CUTC: variants seen among roughly 807,000 people sequenced by gnomAD.
The protein encoded by CUTC is cutC copper transporter, also known as copper homeostasis protein cutC homolog.
In CUTC, 27 loss-of-function variants were observed where a neutral mutation model predicts 36.2. That is an observed-to-expected ratio of 0.75 (90% CI 0.55 to 1.03). CUTC has a LOEUF of 1.03. CUTC is among the 50% of genes least tolerant of loss of function. The probability of loss-of-function intolerance (pLI) is 0.00; values close to 1 mark genes in which losing one functional copy is unlikely to be tolerated. For synonymous variants in CUTC, 114 were observed against 118.3 expected, an observed-to-expected ratio of 0.96 and a Z score of 0.24; for missense variants, 315 against 343.5, an observed-to-expected ratio of 0.92 and a Z score of 0.66.
chr10:99,744,703 G>A (rs2037365626), intron 5 of CUTC, among the ~76,000 whole-genome samples: 1 of 152,152 alleles, frequency 6.6e-6, no homozygotes, highest in Non-Finnish European at 1.5e-5. Flanking sequence ...TTTTTAATGT[G>A]ATACTTTCTT....
At chr10:99,734,220 C>A (rs936697683) in intron 1 of CUTC, among the ~76,000 whole-genome samples, 3 of 152,050 alleles carry the variant, frequency 2.0e-5, no homozygotes, top group Non-Finnish European at 4.4e-5. Flanking sequence ...CAGGCGCCCG[C>A]CACCACGCCC....
rs768955316 is a variant in CUTC at position 99,743,270 on chromosome 10, G to T, written c.311G>T (p.Arg104Leu). Residue 104 changes from arginine (R) to leucine (L), a missense_variant, in exon 4 of 9, where the codon CGT (arginine) becomes CTT (leucine). Arg to Leu is a moderately radical substitution (Grantham distance 102). Transcript: ENST00000370476. ...ATTGAGGTGATGAAGGCTGACATTC[G>T]TCTTGCCAAGCTTTATGGTGCTGAT... ...REIEVMKADIRLAKLYGADGL... is the reference protein window; with the variant it reads ...REIEVMKADILLAKLYGADGL... The T allele has an allele frequency of 1.2e-6, 2 of 1,614,130 alleles. No individual in the cohort carries two copies. The highest frequency in any genetic ancestry group is 1.7e-6 in the Non-Finnish European group (2 of 1,180,030).
chr10:99,743,250 G>A lies in CUTC; in HGVS notation c.291G>A (p.Glu97=), dbSNP rs1265839931. 1.9e-6 allele frequency: 3 copies of A among 1,614,162 alleles called. No individual in the cohort carries two copies. The highest frequency in any genetic ancestry group is 3.3e-5 in the Admixed American group (2 of 60,020). The change falls in exon 4 of 9, where the codon GAG becomes GAA. Residue 97 remains glutamate (E), a synonymous_variant. Transcript: ENST00000370476. Reference sequence around the variant, plus strand: ...TTTTGTATTCAGATCGTGAAATTGAGGTGATGAAGGCTGACATTCGTCTTG... The same window carrying A: ...TTTTGTATTCAGATCGTGAAATTGAAGTGATGAAGGCTGACATTCGTCTTG... ...GDFLYSDREI[E]VMKADIRLAK...
At chr10:99,755,576 G>A in intron 8 of CUTC, 49 bp from the exon 9 acceptor site, 1 of 1,211,500 alleles carries the variant, frequency 8.3e-7, no homozygotes, top group East Asian at 2.3e-5. Context: ...GCAGTAGGAG[G>A]GCCCATTTAA....
At chr10:99,743,802 A>T (rs940102938) in intron 4 of CUTC, among the ~76,000 whole-genome samples, 3 of 152,226 alleles carry the variant, frequency 2.0e-5, no homozygotes, top group African/African-American at 4.8e-5. Flanking sequence ...TAGTTGTCAG[A>T]TTAAATGGTT....
Position 99,748,132 on chromosome 10 carries a change from G to A in CUTC, c.573+742G>A, listed in dbSNP as rs2037392607. 1.3e-5 allele frequency among the ~76,000 whole-genome samples: 2 copies of A among 152,234 alleles called. 1 individual carries two copies. Among genetic ancestry groups the A allele is most frequent in the South Asian group, 4.2e-4 (2 of 4,814 alleles). ...AGAGAGTTGAGCGTTTGAGACTCGG[G>A]TTTGATACTTGCTATGTGATGTTGA... On this transcript the variant is annotated intron_variant, in intron 6 of 8. Transcript: ENST00000370476.
chr10:99,734,347 G>T (rs570094071), intron 1 of CUTC, among the ~76,000 whole-genome samples: 34 of 152,256 alleles, frequency 2.2e-4, no homozygotes, highest in African/African-American at 8.2e-4. Context: ...GATTACAGGC[G>T]TGAGCCACCG....
intron 5 of CUTC, among the ~76,000 whole-genome samples, chr10:99,746,624 C>A (rs1469824429): frequency 6.6e-6 from 1 of 151,784 alleles, no homozygotes; most frequent in Non-Finnish European, 1.5e-5. Flanking sequence ...TAAATGTGTA[C>A]CATTATTAAA....
intron 8 of CUTC, among the ~76,000 whole-genome samples, chr10:99,755,113 T>A (rs771460836): frequency 6.6e-6 from 1 of 152,240 alleles, no homozygotes; most frequent in Non-Finnish European, 1.5e-5. Context: ...TGGGGTTTTT[T>A]AAATACTTAA....
intron 3 of CUTC, among the ~76,000 whole-genome samples, chr10:99,742,315 C>T (rs1174476086): frequency 6.6e-6 from 1 of 152,060 alleles, no homozygotes; most frequent in Admixed American, 6.6e-5. Flanking sequence ...AGTTATGCTA[C>T]TCTGAGGTTG....
At chr10:99,740,468 C>T (rs902808082) in intron 3 of CUTC, among the ~76,000 whole-genome samples, 1 of 151,566 alleles carries the variant, frequency 6.6e-6, no homozygotes, top group African/African-American at 2.4e-5. Context: ...TTTCCATTGT[C>T]GTCTTGCTTG....
chr10:99,755,519 A>G (rs2037449825), intron 8 of CUTC, 106 bp from the exon 9 acceptor site: 2 of 690,518 alleles, frequency 2.9e-6, no homozygotes, highest in South Asian at 1.8e-5. Flanking sequence ...CTAGTCCAGC[A>G]TACTTGACCT....
chr10:99,739,567 G>A, intron 2 of CUTC, 143 bp from the exon 3 acceptor site: 4 of 729,144 alleles, frequency 5.5e-6, no homozygotes, highest in Non-Finnish European at 9.0e-6. Flanking sequence ...TAAAAACAGA[G>A]TTTTACTCTA....
Position 99,732,272 on chromosome 10 carries a change from C to A in CUTC, c.-77C>A, listed in dbSNP as rs1006567792. 48 of 1,538,036 alleles carry A rather than the reference C, an allele frequency of 3.1e-5. No homozygotes were observed. Among genetic ancestry groups the A allele is most frequent in the East Asian group, 2.0e-4 (8 of 40,762 alleles). On this transcript the variant is annotated 5_prime_UTR_variant, in exon 1 of 9. Coordinates refer to ENST00000370476, the MANE Select transcript of CUTC (RefSeq NM_015960.3). ...GCACGGGCGCGCGCAGCTGTTGACG[C>A]GCTTCTTAGCTGGTGCGCGCCGGAG...
At chr10:99,750,751 G>A (rs564940861) in intron 7 of CUTC, among the ~76,000 whole-genome samples, 3 of 152,106 alleles carry the variant, frequency 2.0e-5, no homozygotes. Flanking sequence ...ATCATATTTT[G>A]TTTAGGACAA....
At chr10:99,741,339 A>G (rs150930213) in intron 3 of CUTC, among the ~76,000 whole-genome samples, 1 of 152,284 alleles carries the variant, frequency 6.6e-6, no homozygotes, top group East Asian at 1.9e-4. Context: ...TGGAATAGGC[A>G]TTATTCACAG....
intron 4 of CUTC, 108 bp from the exon 5 acceptor site, chr10:99,743,929 G>A (rs901573398): frequency 5.8e-5 from 43 of 735,084 alleles, no homozygotes; most frequent in Non-Finnish European, 9.2e-5. Flanking sequence ...TTACTGTCTT[G>A]TTAGGCGAAG....
At chr10:99,734,381 T>C (rs553944731) in intron 1 of CUTC, among the ~76,000 whole-genome samples, 11 of 152,334 alleles carry the variant, frequency 7.2e-5, no homozygotes, top group Non-Finnish European at 1.3e-4. Flanking sequence ...CTGATAGTCT[T>C]AAATAAGTAA....
At chr10:99,751,563 A>AT (rs11433858) in intron 7 of CUTC, among the ~76,000 whole-genome samples, 150,518 of 152,310 alleles carry the variant, frequency 0.99, 74,398 homozygotes, top group East Asian at 1. Flanking sequence ...AAAAAGTTAC[A>AT]TTATTAAGTT....
Sources: allele counts gnomAD v4.1 joint callset (sites outside exome capture counted in the v4.1 genomes callset), GRCh38; gene constraint gnomAD v4.1.1; transcripts MANE v1.5; gene names NCBI Gene and HGNC (gene_info 2026-07-23, HGNC 2026-07-21).